The following RETREG1 variants were observed in gnomAD, a reference collection of about 807,000 sequenced individuals.
The protein encoded by RETREG1 is family with sequence similarity 134 member B.
A neutral mutation model predicts 54.8 loss-of-function variants in RETREG1; 44 were observed. The ratio of observed to expected loss-of-function variants is 0.80; its 90% confidence interval spans 0.63 to 1.03. The LOEUF is 1.03. Ranked by LOEUF, RETREG1 falls within the 50% of genes least tolerant of loss-of-function variation. The probability of loss-of-function intolerance (pLI) is 0.00; values close to 1 mark genes in which losing one functional copy is unlikely to be tolerated. For missense variants in RETREG1, 554 were observed against 605.1 expected (o/e 0.92, Z 0.89); for synonymous variants, 217 against 238.5 (o/e 0.91, Z 0.83).
chr5:16,514,339 A>T (rs1338515433), intron 3 of RETREG1, among the ~76,000 whole-genome samples: 3 of 152,292 alleles, frequency 2.0e-5, no homozygotes, highest in African/African-American at 7.2e-5. Context: ...GGGATCTGTA[A>T]CCAGAAATTT....
At position 16,602,734 on chromosome 5, in the gene RETREG1, G is replaced by A. The variant is rs929009324; in HGVS notation, c.320+13918C>T. ...TAAGAATTTCACTTAGAGGCCGGGT[G>A]CAGTGGCTCATGCCTGTAATCCCAG... On this transcript the variant is annotated intron_variant, in intron 1 of 8. Coordinates refer to ENST00000306320, the MANE Select transcript of RETREG1 (RefSeq NM_001034850.3). Among the ~76,000 whole-genome samples, 242 of 152,276 alleles carry A rather than the reference G, an allele frequency of 1.6e-3. 1 individual carries two copies. Among genetic ancestry groups the A allele is most frequent in the African/African-American group, 5.6e-3 (231 of 41,576 alleles).
rs140547913 is a variant in RETREG1 at position 16,562,849 on chromosome 5, G to A, written c.458+2914C>T. Reference sequence around the variant, plus strand: ...TAAATGCAATGTGGGATCCTAGATGGGATCCTGAAACACAAAAGTGACATT... The same window carrying A: ...TAAATGCAATGTGGGATCCTAGATGAGATCCTGAAACACAAAAGTGACATT... On this transcript the variant is annotated intron_variant, in intron 3 of 8. Coordinates refer to ENST00000306320, the MANE Select transcript of RETREG1 (RefSeq NM_001034850.3). Among the ~76,000 whole-genome samples the A allele has an allele frequency of 4.6e-4, 70 of 152,236 alleles. No individual in the cohort carries two copies. The East Asian group carries it at 0.013, about 27-fold the overall frequency.
intron 1 of RETREG1, among the ~76,000 whole-genome samples, chr5:16,596,087 T>TA (rs1257212308): frequency 6.6e-6 from 1 of 152,216 alleles, no homozygotes; most frequent in African/African-American, 2.4e-5. Context: ...CCTTGGGACT[T>TA]AGTTTCTTCA....
Position 16,561,383 on chromosome 5 carries a change from G to A in RETREG1, c.458+4380C>T, listed in dbSNP as rs1362220356. Among the ~76,000 whole-genome samples the A allele has an allele frequency of 6.6e-6, 1 of 152,026 alleles. No individual in the cohort carries two copies. Among genetic ancestry groups the A allele is most frequent in the Non-Finnish European group, 1.5e-5 (1 of 68,002 alleles). Reference sequence around the variant, plus strand: ...ATGGTGGTGGGCACCTGTAGTCCCAGCTACTCGGGAGGCTGAGGCAGGAGA... The same window carrying A: ...ATGGTGGTGGGCACCTGTAGTCCCAACTACTCGGGAGGCTGAGGCAGGAGA... On this transcript the variant is annotated intron_variant, in intron 3 of 8. Coordinates refer to ENST00000306320, the MANE Select transcript of RETREG1 (RefSeq NM_001034850.3). The surrounding 1 kb of genome is among the most constrained non-coding windows in gnomAD (Gnocchi z 4.2).
chr5:16,532,439 C>T (rs187598330), intron 3 of RETREG1, among the ~76,000 whole-genome samples: 4 of 152,262 alleles, frequency 2.6e-5, no homozygotes, highest in Non-Finnish European at 5.9e-5. Context: ...GCAGGAGAAT[C>T]GCTTGAACCC....
chr5:16,506,142 G>GC (rs1739945156), intron 3 of RETREG1, among the ~76,000 whole-genome samples: 1 of 152,220 alleles, frequency 6.6e-6, no homozygotes, highest in African/African-American at 2.4e-5. Flanking sequence ...GGATGCCTGG[G>GC]CCCTACACCT....
At chr5:16,482,318 A>C (rs1738809101) in intron 4 of RETREG1, among the ~76,000 whole-genome samples, 1 of 152,028 alleles carries the variant, frequency 6.6e-6, no homozygotes, top group South Asian at 2.1e-4. Context: ...ATTTTAAGCT[A>C]ATTGACTTGG....
chr5:16,577,960 G>C (rs1330651416), intron 1 of RETREG1, among the ~76,000 whole-genome samples: 1 of 152,178 alleles, frequency 6.6e-6, no homozygotes, highest in East Asian at 1.9e-4. Flanking sequence ...AAATTACCGA[G>C]TGTCGAGTAT....
intron 3 of RETREG1, among the ~76,000 whole-genome samples, chr5:16,546,415 G>A (rs954574177): frequency 2.6e-5 from 4 of 152,172 alleles, no homozygotes. Context: ...CCATCCTCCT[G>A]CCTTGGCCTC....
At chr5:16,615,711 C>T (rs1743485749) in intron 1 of RETREG1, among the ~76,000 whole-genome samples, 1 of 152,172 alleles carries the variant, frequency 6.6e-6, no homozygotes, top group African/African-American at 2.4e-5. Context: ...ATTCATCTTG[C>T]TCAAGTTAAC....
intron 3 of RETREG1, among the ~76,000 whole-genome samples, chr5:16,520,323 T>TG (rs1361609612): frequency 2.2e-4 from 29 of 132,308 alleles, no homozygotes; most frequent in South Asian, 1.1e-3. Context: ...TGTGGTTTTT[T>TG]TTTTGTTGTT....
intron 1 of RETREG1, among the ~76,000 whole-genome samples, chr5:16,601,523 A>C (rs1244750558): frequency 6.6e-6 from 1 of 151,948 alleles, no homozygotes; most frequent in Non-Finnish European, 1.5e-5. Flanking sequence ...CAACCTCCCA[A>C]GTAGCTGGGA....
chr5:16,491,980 T>C (rs1333403707), intron 3 of RETREG1, among the ~76,000 whole-genome samples: 1 of 152,186 alleles, frequency 6.6e-6, no homozygotes, highest in African/African-American at 2.4e-5. Flanking sequence ...CCTTAATGTG[T>C]GACTTGGGGA....
At chr5:16,542,668 T>G (rs1427202056) in intron 3 of RETREG1, among the ~76,000 whole-genome samples, 2 of 152,208 alleles carry the variant, frequency 1.3e-5, no homozygotes, top group Non-Finnish European at 1.5e-5. Flanking sequence ...AATACATTAC[T>G]CTCAAAAGTC....
At chr5:16,600,468 G>A (rs1303299944) in intron 1 of RETREG1, among the ~76,000 whole-genome samples, 1 of 152,216 alleles carries the variant, frequency 6.6e-6, no homozygotes, top group African/African-American at 2.4e-5. Flanking sequence ...AAGAGAGCAG[G>A]GCAGAGGAAC....
rs1359291121 is a variant in RETREG1, at chr5:16,561,485, AG to A, written c.458+4277del. 1.3e-5 allele frequency among the ~76,000 whole-genome samples: 2 copies of A among 152,094 alleles called. No individual in the cohort carries two copies. Among genetic ancestry groups the A allele is most frequent in the African/African-American group, 4.8e-5 (2 of 41,394 alleles). On this transcript the variant is annotated intron_variant, in intron 3 of 8. Transcript: ENST00000306320. This position sits in a 1 kb window ranked among gnomAD's most constrained non-coding sequence, Gnocchi z 4.2. ...ACACTCCAGCCTGGGCGACAGAGCA[AG>A]ACTCCGTCTCAAAAAATAATAATAA...
At chr5:16,570,735 A>C (rs141678480) in intron 2 of RETREG1, among the ~76,000 whole-genome samples, 244 of 152,344 alleles carry the variant, frequency 1.6e-3, no homozygotes, top group African/African-American at 5.7e-3. Context: ...TGATGCATGG[A>C]GATGCCCCAC....
intron 3 of RETREG1, among the ~76,000 whole-genome samples, chr5:16,535,830 G>A (rs1741053562): frequency 7.1e-6 from 1 of 140,480 alleles, no homozygotes; most frequent in Admixed American, 7.1e-5. Context: ...TCACGAAGTG[G>A]GAGCTGGGGT....
chr5:16,545,430 C>A (rs367791777), intron 3 of RETREG1, among the ~76,000 whole-genome samples: 1 of 152,182 alleles, frequency 6.6e-6, no homozygotes, highest in African/African-American at 2.4e-5. Context: ...CTTAAGGAAG[C>A]TTTGGTGTCC....
Sources: gnomAD v4.1 joint callset for allele counts (sites outside exome capture counted in the v4.1 genomes callset) on GRCh38, gnomAD v4.1.1 for gene constraint, Gnocchi (gnomAD v3.1) non-coding constraint, MANE v1.5 for transcripts, NCBI Gene and HGNC (gene_info 2026-07-23, HGNC 2026-07-21) for gene names.